The following LCK variants were observed in gnomAD, a reference collection of about 807,000 sequenced individuals.
LCK encodes LCK proto-oncogene, Src family tyrosine kinase, also known as tyrosine-protein kinase Lck.
A neutral mutation model predicts 64.6 loss-of-function variants in LCK; 14 were observed. The observed-to-expected ratio is 0.22, with a 90% CI of 0.14 to 0.34. The LOEUF (loss-of-function observed/expected upper bound fraction) is 0.34, where lower values mean the gene tolerates loss of function less well. Among genes scored for constraint, LCK ranks in the 10% least tolerant of loss-of-function variants. LCK has a pLI of 1.00. For missense variants in LCK, 434 were observed against 668.1 expected (o/e 0.65, Z 3.86); for synonymous variants, 277 against 263.6 (o/e 1.05, Z -0.49).
chr1:32,261,652 CAAAAAA>C (rs1227702959), intron 1 of LCK, among the ~76,000 whole-genome samples: 1 of 64,336 alleles, frequency 1.6e-5, no homozygotes, highest in African/African-American at 5.5e-5. Flanking sequence ...TCCTCTGTCT[CAAAAAA>C]AAAAAAAAAA....
intron 1 of LCK, among the ~76,000 whole-genome samples, chr1:32,258,111 C>T (rs556609543): frequency 2.6e-5 from 4 of 151,344 alleles, no homozygotes; most frequent in Non-Finnish European, 4.4e-5. Flanking sequence ...AGGCAGACCC[C>T]GTCTCTACAA....
At position 32,280,443 on chromosome 1, in the gene LCK, CTTTTTTTTTTTTTTTT is replaced by C. The variant is rs770430504; in HGVS notation, c.1327+248_1327+263del. On this transcript the variant is annotated intron_variant, in intron 12 of 12. Transcript: ENST00000336890. ...TTTCTTTTTCTCTTTTTTTCTTTTT[CTTTTTTTTTTTTTTTT>C]TTTTTTTTTTTTTTGAGACGGAGTC... is the stretch of plus-strand genomic sequence containing the variant. 2.8e-3 allele frequency among the ~76,000 whole-genome samples: 237 copies of C among 84,764 alleles called. 1 individual carries two copies. Among genetic ancestry groups the C allele is most frequent in the Non-Finnish European group, 4.1e-3 (192 of 46,790 alleles). 55.6% of individuals were successfully genotyped at this position (84,764 alleles called of 152,430 possible). A position where few individuals can be genotyped will look rare whatever the true frequency, so the allele number is the denominator to read the frequency against.
rs1640274709 is a variant in LCK, at chr1:32,276,498, G to C, written c.784+9G>C. 1.2e-5 allele frequency: 20 copies of C among 1,604,906 alleles called. No homozygotes were observed. In the East Asian group the frequency reaches 4.5e-4, roughly 36 times the overall value. ...CGGGGAGGTGTGGATGGGTGAGTGT[G>C]GCCTCCAGGACTGCCTGGGAAGAGG... is the stretch of plus-strand genomic sequence containing the variant. On this transcript the variant is annotated intron_variant, in intron 8 of 12. Coordinates refer to ENST00000336890, the MANE Select transcript of LCK (RefSeq NM_005356.5). This position sits in a 1 kb window ranked among gnomAD's most constrained non-coding sequence, Gnocchi z 4.6.
chr1:32,253,097 G>A (rs1639546819), intron 1 of LCK, among the ~76,000 whole-genome samples: 1 of 152,174 alleles, frequency 6.6e-6, no homozygotes, highest in Non-Finnish European at 1.5e-5. Context: ...TGGGCACGGT[G>A]GCTCACACCT....
At chr1:32,280,299 A>G in intron 12 of LCK, 89 bp downstream of exon 12, 1 of 1,538,780 alleles carries the variant, frequency 6.5e-7, no homozygotes, top group Non-Finnish European at 8.8e-7. Context: ...AGAATCTGAA[A>G]CTTTGTAGCT....
At position 32,262,886 on chromosome 1, in the gene LCK, A is replaced by C. The variant is rs575754034; in HGVS notation, c.-5-11439A>C. ...GAAGGGAGAAAAAAAAAAAAAAAAA[A>C]ACAGATGAAAGGAATCCCCAGGGCT... On this transcript the variant is annotated intron_variant, in intron 1 of 12. Coordinates refer to ENST00000336890, the MANE Select transcript of LCK (RefSeq NM_005356.5). Among the ~76,000 whole-genome samples, 15 of 151,496 alleles carry C rather than the reference A, an allele frequency of 9.9e-5. No homozygotes were observed. In the South Asian group the frequency reaches 2.5e-3, roughly 25 times the overall value.
chr1:32,254,477 T>C (rs1415579560), intron 1 of LCK, among the ~76,000 whole-genome samples: 1 of 151,492 alleles, frequency 6.6e-6, no homozygotes, highest in Non-Finnish European at 1.5e-5. Context: ...TGTGCCACCA[T>C]GTCTGGCTAA....
chr1:32,268,384 C>T (rs1639985959), intron 1 of LCK, among the ~76,000 whole-genome samples: 2 of 151,796 alleles, frequency 1.3e-5, no homozygotes, highest in Admixed American at 1.3e-4. Context: ...GCAATCGTAG[C>T]TCACTGTGGC....
rs1639518006 is a variant in LCK at position 32,251,930 on chromosome 1, G to GAGAGAGAGAC, written c.-6+566_-6+567insGACAGAGAGA. ...AGAGAGAGAGAGAGAGAGAGAGAGA[G>GAGAGAGAGAC]AGAGAGACAGAGATCACCCAAGGCA... On this transcript the variant is annotated intron_variant, in intron 1 of 12. Coordinates refer to ENST00000336890, the MANE Select transcript of LCK (RefSeq NM_005356.5). The surrounding 1 kb of genome is among the most constrained non-coding windows in gnomAD (Gnocchi z 4.0). 6.7e-6 allele frequency among the ~76,000 whole-genome samples: 1 copy of GAGAGAGAGAC among 150,104 alleles called. No individual in the cohort carries two copies. Among genetic ancestry groups the GAGAGAGAGAC allele is most frequent in the African/African-American group, 2.5e-5 (1 of 40,186 alleles).
intron 1 of LCK, among the ~76,000 whole-genome samples, chr1:32,259,980 G>A (rs936984988): frequency 2.0e-5 from 3 of 151,770 alleles, no homozygotes; most frequent in Admixed American, 2.0e-4. Flanking sequence ...AGTCTGGGTC[G>A]GGGCAAAGGC....
chr1:32,263,402 AAAATAAAT>A lies in LCK; in HGVS notation c.-5-10883_-5-10876del, dbSNP rs148681600. ...AGGAAGACTCCGTCTCAAAATAAATAAAATAAATAAATAAATAAATAAATAAATAAATA... is the reference window on the plus strand; with the variant it reads ...AGGAAGACTCCGTCTCAAAATAAATAAAATAAATAAATAAATAAATAAATA... On this transcript the variant is annotated intron_variant, in intron 1 of 12. Coordinates refer to ENST00000336890, the MANE Select transcript of LCK (RefSeq NM_005356.5). Among the ~76,000 whole-genome samples the A allele has an allele frequency of 4.4e-3, 626 of 141,096 alleles. 4 individuals are homozygous for A. Among genetic ancestry groups the A allele is most frequent in the Middle Eastern group, 0.018 (5 of 272 alleles). The allele number at this position is 141,096 out of a possible 152,430, so 92.6% of individuals were successfully genotyped here. A position where few individuals can be genotyped will look rare whatever the true frequency, so the allele number is the denominator to read the frequency against.
intron 1 of LCK, among the ~76,000 whole-genome samples, chr1:32,265,430 C>T (rs187172991): frequency 1.3e-5 from 2 of 152,312 alleles, no homozygotes; most frequent in East Asian, 1.9e-4. Context: ...CGATTGCTGC[C>T]AGGCCCTATC....
At chr1:32,260,856 G>C (rs1387187833) in intron 1 of LCK, among the ~76,000 whole-genome samples, 12 of 152,006 alleles carry the variant, frequency 7.9e-5, no homozygotes, top group Non-Finnish European at 7.4e-5. Flanking sequence ...TCCTGGCCTC[G>C]AGTGATCCTT....
chr1:32,280,164 G>T lies in LCK; in HGVS notation c.1281G>T (p.Gly427=), dbSNP rs753994485. ...TCAAGTCAGATGTGTGGTCTTTTGGGATCCTGCTGACGGAAATTGTCACCC... is the reference window on the plus strand; with the variant it reads ...TCAAGTCAGATGTGTGGTCTTTTGGTATCCTGCTGACGGAAATTGTCACCC... The part of the protein sequence containing the change: ...FTIKSDVWSF[G]ILLTEIVTHG... The change falls in exon 12 of 13, where the codon GGG becomes GGT. Residue 427 remains glycine, a synonymous_variant. Transcript: ENST00000336890. 3 of 1,613,990 alleles carry T rather than the reference G, an allele frequency of 1.9e-6. No individual in the cohort carries two copies. The South Asian group carries it at 3.3e-5, about 18-fold the overall frequency.
At chr1:32,255,802 T>TTA (rs900317942) in intron 1 of LCK, among the ~76,000 whole-genome samples, 13 of 113,064 alleles carry the variant, frequency 1.1e-4, no homozygotes, top group East Asian at 9.2e-4. Flanking sequence ...TTAAATTTAT[T>TTA]TTTTTTTTTT....
rs1389479749 is a variant in LCK at position 32,279,894 on chromosome 1, T to A, written c.1095T>A (p.Leu365=). Residue 365 remains leucine, a synonymous_variant, in exon 11 of 13, where the codon CTT becomes CTA. Coordinates refer to ENST00000336890, the MANE Select transcript of LCK (RefSeq NM_005356.5). Reference sequence around the variant, plus strand: ...AGCGGAATTATATTCATCGTGACCTTCGGGCTGCCAACATTCTGGTGTCTG... The same window carrying A: ...AGCGGAATTATATTCATCGTGACCTACGGGCTGCCAACATTCTGGTGTCTG... ...IEERNYIHRD[L]RAANILVSDT... 5.6e-6 allele frequency: 9 copies of A among 1,614,204 alleles called. No homozygotes were observed. The highest frequency in any genetic ancestry group is 7.6e-6 in the Non-Finnish European group (9 of 1,180,036).
chr1:32,278,212 A>G (rs1187206716), intron 9 of LCK, among the ~76,000 whole-genome samples: 1 of 152,196 alleles, frequency 6.6e-6, no homozygotes, highest in Admixed American at 6.6e-5. Flanking sequence ...TGGCTACCAT[A>G]TAGTAACTGA....
chr1:32,269,110 TAAAAA>T (rs539681482), intron 1 of LCK, among the ~76,000 whole-genome samples: 1 of 99,572 alleles, frequency 1.0e-5, no homozygotes, highest in Non-Finnish European at 2.0e-5. Context: ...AGAGCAAGTC[TAAAAA>T]AAAAAAAAAA....
chr1:32,272,605 A>AAG (rs377566341), intron 1 of LCK, among the ~76,000 whole-genome samples: 15 of 135,792 alleles, frequency 1.1e-4, no homozygotes, highest in African/African-American at 3.7e-4. Flanking sequence ...GAGAGAGAGA[A>AAG]AGAGAGAGAG....
Sources: allele counts gnomAD v4.1 joint callset (sites outside exome capture counted in the v4.1 genomes callset), GRCh38; gene constraint gnomAD v4.1.1; non-coding constraint Gnocchi (gnomAD v3.1); transcripts MANE v1.5; gene names NCBI Gene and HGNC (gene_info 2026-07-23, HGNC 2026-07-21).